The following MYADM variants were observed in gnomAD, a reference collection of about 807,000 sequenced individuals.
The protein encoded by MYADM is myeloid-associated differentiation marker.
For missense variants in MYADM, 416 were observed against 443.4 expected, an observed-to-expected ratio of 0.94 and a Z score of 0.56; for synonymous variants, 224 against 210.2, an observed-to-expected ratio of 1.07 and a Z score of -0.57.
chr19:53,867,124 G>A (rs1183747138), upstream of MYADM, among the ~76,000 whole-genome samples: 1 of 152,130 alleles, frequency 6.6e-6, no homozygotes, highest in Non-Finnish European at 1.5e-5. Context: ...CGTCCAGCCC[G>A]AGTCCCTTAC....
upstream of MYADM, among the ~76,000 whole-genome samples, chr19:53,866,905 C>T (rs1214659979): frequency 2.0e-5 from 3 of 152,186 alleles, no homozygotes; most frequent in African/African-American, 7.2e-5. The surrounding 1 kb of genome is among the most constrained non-coding windows in gnomAD (Gnocchi z 4.3). Flanking sequence ...CTCAAGGGAT[C>T]CTCCCTCCTC....
rs1051027004 is a variant in MYADM at position 53,868,628 on chromosome 19, C to T, written c.-88+685C>T. 6.6e-6 allele frequency among the ~76,000 whole-genome samples: 1 copy of T among 151,976 alleles called. No individual in the cohort carries two copies. Among genetic ancestry groups the T allele is most frequent in the Admixed American group, 6.6e-5 (1 of 15,262 alleles). On this transcript the variant is annotated intron_variant, in intron 1 of 2. Coordinates refer to ENST00000391770, the MANE Select transcript of MYADM (RefSeq NM_138373.5). The surrounding 1 kb of genome is among the most constrained non-coding windows in gnomAD (Gnocchi z 6.3). The stretch of plus-strand genomic sequence containing the variant: ...TCCCGCACCTCTGGGTGCCGAGAGC[C>T]GAAGCTGGGGTTCCGGGGCCCGATT...
At chr19:53,869,648 C>G (rs978995489) in intron 1 of MYADM, 106 bp from the exon 2 acceptor site, 5 of 152,600 alleles carry the variant, frequency 3.3e-5, no homozygotes, top group African/African-American at 1.2e-4. Context: ...GGGTCACCGC[C>G]AGGGCCCTGC....
At position 53,868,833 on chromosome 19, in the gene MYADM, GCGGGGTGGACCCCTCCCCTCCCCTCCCCT is replaced by G. The variant is rs2068295120; in HGVS notation, c.-88+894_-87-889del. On this transcript the variant is annotated intron_variant, in intron 1 of 2. Coordinates refer to ENST00000391770, the MANE Select transcript of MYADM (RefSeq NM_138373.5). This position sits in a 1 kb window ranked among gnomAD's most constrained non-coding sequence, Gnocchi z 6.3. ...CGGGCGATGGCTGGAGGCCCTAAGG[GCGGGGTGGACCCCTCCCCTCCCCTCCCCT>G]CGGCGCGCCCCCCTCCCCTGCGCGC... The G allele has an allele frequency of 6.6e-6, 1 of 151,770 alleles. No individual in the cohort carries two copies. Among genetic ancestry groups the G allele is most frequent in the Non-Finnish European group, 1.5e-5 (1 of 68,086 alleles). 9.4% of individuals were successfully genotyped at this position (151,770 alleles called of 1,614,324 possible). A position where few individuals can be genotyped will look rare whatever the true frequency, so the allele number is the denominator to read the frequency against.
rs908266231 is a variant in MYADM, at chr19:53,868,783, G to T, written c.-88+840G>T. On this transcript the variant is annotated intron_variant, in intron 1 of 2. Transcript: ENST00000391770. This position sits in a 1 kb window ranked among gnomAD's most constrained non-coding sequence, Gnocchi z 6.3. ...GTGTTTCCTCACCCTCCAGGGTCTG[G>T]CTGCGCATTCCTGAGCTCTGATCTC... The T allele has an allele frequency of 2.0e-5, 3 of 152,270 alleles. No homozygotes were observed. The highest frequency in any genetic ancestry group is 7.2e-5 in the African/African-American group (3 of 41,438). 9.4% of individuals were successfully genotyped at this position (152,270 alleles called of 1,614,324 possible).
chr19:53,873,929 C>A lies in MYADM; in HGVS notation c.400C>A (p.Arg134=). 1 of 1,611,822 alleles carries A rather than the reference C, an allele frequency of 6.2e-7. No homozygotes were observed. The highest frequency in any genetic ancestry group is 2.2e-5 in the East Asian group (1 of 44,878). ...YVQFLSHGRS[R]DHAIAATFFS... Reference sequence around the variant, plus strand: ...CCAGTTCCTGTCCCACGGCCGTTCGCGGGACCACGCCATCGCCGCCACCTT... The same window carrying A: ...CCAGTTCCTGTCCCACGGCCGTTCGAGGGACCACGCCATCGCCGCCACCTT... The change falls in exon 3 of 3, where the codon CGG becomes AGG. Residue 134 remains arginine, a synonymous_variant. Transcript: ENST00000391770. This position sits in a 1 kb window ranked among gnomAD's most constrained non-coding sequence, Gnocchi z 4.3.
intron 1 of MYADM, chr19:53,869,376 C>T (rs1039214762): frequency 6.6e-6 from 1 of 152,336 alleles, no homozygotes; most frequent in Admixed American, 6.5e-5. Flanking sequence ...GGCACCGCCT[C>T]CTGGTCCCTG....
intron 1 of MYADM, chr19:53,869,148 G>A (rs1265710641): frequency 1.3e-5 from 2 of 152,332 alleles, no homozygotes; most frequent in African/African-American, 4.8e-5. Flanking sequence ...TGGGCCTCGG[G>A]CCTGACGCCA....
rs537264842 is a variant in MYADM, at chr19:53,872,018, C to T, written c.-2-1510C>T. On this transcript the variant is annotated intron_variant, in intron 2 of 2. Coordinates refer to ENST00000391770, the MANE Select transcript of MYADM (RefSeq NM_138373.5). ...GGTTCAAGCGATTCTCCTGCCTCAG[C>T]CTCCCAAGTAGCTGCGATTACAAGC... 1.5e-3 allele frequency among the ~76,000 whole-genome samples: 222 copies of T among 151,160 alleles called. 3 individuals carry two copies. Among genetic ancestry groups the T allele is most frequent in the African/African-American group, 5.1e-3 (208 of 41,160 alleles).
rs1449916033 is a variant in MYADM, at chr19:53,869,749, C to G, written c.-87-5C>G. Reference sequence around the variant, plus strand: ...ACGGACGCTAACGGCCTACCTCCCCCTCAGGTGCTCTTACAGCCTGTTCCA... The same window carrying G: ...ACGGACGCTAACGGCCTACCTCCCCGTCAGGTGCTCTTACAGCCTGTTCCA... On this transcript the variant is annotated splice_polypyrimidine_tract_variant and splice_region_variant and intron_variant, in intron 1 of 2. Coordinates refer to ENST00000391770, the MANE Select transcript of MYADM (RefSeq NM_138373.5). The G allele has an allele frequency of 6.5e-6, 1 of 152,718 alleles. No individual in the cohort carries two copies. Among genetic ancestry groups the G allele is most frequent in the African/African-American group, 2.4e-5 (1 of 41,460 alleles). 9.5% of individuals were successfully genotyped at this position (152,718 alleles called of 1,614,324 possible).
rs2068511247 is a variant in MYADM, at chr19:53,875,370, G to A, written c.*872G>A. The A allele has an allele frequency of 6.0e-6, 1 of 166,724 alleles. No homozygotes were observed. The highest frequency in any genetic ancestry group is 1.5e-5 in the Non-Finnish European group (1 of 68,084). The allele number at this position is 166,724 out of a possible 1,614,324, so 10.3% of individuals were successfully genotyped here. On this transcript the variant is annotated 3_prime_UTR_variant, in exon 3 of 3. Transcript: ENST00000391770. ...GGTCAGTAATTTCCAATGGGCGGGAGGCTTTAAGCACCGACCCTGGGTCCC... is the reference window on the plus strand; with the variant it reads ...GGTCAGTAATTTCCAATGGGCGGGAAGCTTTAAGCACCGACCCTGGGTCCC...
At position 53,873,637 on chromosome 19, in the gene MYADM, G is replaced by A; in HGVS notation, c.108G>A (p.Leu36=). 1 of 1,614,170 alleles carries A rather than the reference G, an allele frequency of 6.2e-7. No individual in the cohort carries two copies. Among genetic ancestry groups the A allele is most frequent in the Non-Finnish European group, 8.5e-7 (1 of 1,180,030 alleles). ...VGSPRALTQP[L]GLLRLLQLVS... is the part of the protein sequence containing the mutation. ...CCCCTCGGGCCCTGACACAGCCCCT[G>A]GGTCTCCTTCGCCTGCTGCAGCTGG... Residue 36 remains leucine, a synonymous_variant, in exon 3 of 3, where the codon CTG becomes CTA. Transcript: ENST00000391770. This position sits in a 1 kb window ranked among gnomAD's most constrained non-coding sequence, Gnocchi z 4.3.
At chr19:53,871,312 A>T (rs1025755044) in intron 2 of MYADM, among the ~76,000 whole-genome samples, 7 of 152,134 alleles carry the variant, frequency 4.6e-5, no homozygotes, top group African/African-American at 9.7e-5. Context: ...GGACAGTTGG[A>T]AATCTGGGGA....
rs1463328155 is a variant in MYADM, at chr19:53,875,380, AC to A, written c.*884del. 1.2e-5 allele frequency: 2 copies of A among 166,772 alleles called. No individual in the cohort carries two copies. The highest frequency in any genetic ancestry group is 2.4e-5 in the African/African-American group (1 of 41,348). The allele number at this position is 166,772 out of a possible 1,614,324, so 10.3% of individuals were successfully genotyped here. On this transcript the variant is annotated 3_prime_UTR_variant, in exon 3 of 3. Transcript: ENST00000391770. ...TTCCAATGGGCGGGAGGCTTTAAGC[AC>A]CGACCCTGGGTCCCTAGGCCCCGCC...
At position 53,868,609 on chromosome 19, in the gene MYADM, A is replaced by C. The variant is rs1599908635; in HGVS notation, c.-88+666A>C. ...AGGAGAAGACAGGGCTGCGTCCCGC[A>C]CCTCTGGGTGCCGAGAGCCGAAGCT... On this transcript the variant is annotated intron_variant, in intron 1 of 2. Transcript: ENST00000391770. The surrounding 1 kb of genome is among the most constrained non-coding windows in gnomAD (Gnocchi z 6.3). 6.6e-6 allele frequency among the ~76,000 whole-genome samples: 1 copy of C among 151,930 alleles called. No individual in the cohort carries two copies.
chr19:53,873,817 G>A lies in MYADM; in HGVS notation c.288G>A (p.Leu96=). 1 of 1,613,686 alleles carries A rather than the reference G, an allele frequency of 6.2e-7. No individual in the cohort carries two copies. The highest frequency in any genetic ancestry group is 2.2e-5 in the East Asian group (1 of 44,872). Residue 96 remains leucine (L), a synonymous_variant, in exon 3 of 3, where the codon CTG becomes CTA. Transcript: ENST00000391770. This position sits in a 1 kb window ranked among gnomAD's most constrained non-coding sequence, Gnocchi z 4.3. ...GCGGGCTCCAGGCCCGCTTCCCCCTGTCTTGGCGCAACTTCCCCATCACCT... is the reference window on the plus strand; with the variant it reads ...GCGGGCTCCAGGCCCGCTTCCCCCTATCTTGGCGCAACTTCCCCATCACCT... ...ELCGLQARFP[L]SWRNFPITFA...
rs1314644596 is a variant in MYADM at position 53,876,055 on chromosome 19, G to A, written c.*1557G>A. ...TTTTCTTTCTTTTTCCTGGCCATGA[G>A]GACAAAAATTACTGAGTGGCCCTTA... On this transcript the variant is annotated 3_prime_UTR_variant, in exon 3 of 3. Coordinates refer to ENST00000391770, the MANE Select transcript of MYADM (RefSeq NM_138373.5). 2 of 166,928 alleles carry A rather than the reference G, an allele frequency of 1.2e-5. No homozygotes were observed. Among genetic ancestry groups the A allele is most frequent in the Non-Finnish European group, 2.9e-5 (2 of 68,106 alleles). 10.3% of individuals were successfully genotyped at this position (166,928 alleles called of 1,614,324 possible). A position where few individuals can be genotyped will look rare whatever the true frequency, so the allele number is the denominator to read the frequency against.
At chr19:53,870,726 T>G (rs2068367445) in intron 2 of MYADM, among the ~76,000 whole-genome samples, 1 of 152,174 alleles carries the variant, frequency 6.6e-6, no homozygotes, top group Admixed American at 6.5e-5. Flanking sequence ...TTTAGTCCTG[T>G]GGCTGCGTTG....
chr19:53,873,533 C>A lies in MYADM; in HGVS notation c.4C>A (p.Pro2Thr). 2 of 1,594,420 alleles carry A rather than the reference C, an allele frequency of 1.3e-6. No individual in the cohort carries two copies. The highest frequency in any genetic ancestry group is 1.8e-5 in the Admixed American group (1 of 56,598). Residue 2 changes from proline (P) to threonine (T), a missense_variant, in exon 3 of 3, where the codon CCA (proline) becomes ACA (threonine). By Grantham distance (38) the Pro-to-Thr change is conservative (BLOSUM62 -1). Coordinates refer to ENST00000391770, the MANE Select transcript of MYADM (RefSeq NM_138373.5). The surrounding 1 kb of genome is among the most constrained non-coding windows in gnomAD (Gnocchi z 4.3). Reference sequence around the variant, plus strand: ...TGTCTTTCCCCTTTTTGCAGCCATGCCAGTGACGGTAACCCGCACCACCAT... The same window carrying A: ...TGTCTTTCCCCTTTTTGCAGCCATGACAGTGACGGTAACCCGCACCACCAT... MPVTVTRTTITT... is the reference protein window; with the variant it reads MTVTVTRTTITT...
Sources: gnomAD v4.1 joint callset for allele counts (sites outside exome capture counted in the v4.1 genomes callset) on GRCh38, gnomAD v4.1.1 for gene constraint, Gnocchi (gnomAD v3.1) non-coding constraint, MANE v1.5 for transcripts, NCBI Gene and HGNC (gene_info 2026-07-23, HGNC 2026-07-21) for gene names.